INPP4A: variants seen among roughly 807,000 people sequenced by gnomAD.
INPP4A encodes inositol polyphosphate-4-phosphatase, type I, 107kD.
A neutral mutation model predicts 119.8 loss-of-function variants in INPP4A; 33 were observed. The ratio of observed to expected loss-of-function variants is 0.28; its 90% CI spans 0.21 to 0.37. INPP4A has a LOEUF of 0.37. INPP4A is among the 10% of genes least tolerant of loss of function. INPP4A has a pLI of 1.00. For missense variants in INPP4A, 956 were observed against 1,289.9 expected, an observed-to-expected ratio of 0.74 and a Z score of 3.97; for synonymous variants, 496 against 500.7, an observed-to-expected ratio of 0.99 and a Z score of 0.12.
intron 24 of INPP4A, among the ~76,000 whole-genome samples, chr2:98,586,152 G>A (rs1298827068): frequency 6.6e-6 from 1 of 152,214 alleles, no homozygotes; most frequent in Non-Finnish European, 1.5e-5. Flanking sequence ...GAGGCCTTGA[G>A]GCTCCGTGAC....
At position 98,588,387 on chromosome 2, in the gene INPP4A, C is replaced by T. The variant is rs2106571090; in HGVS notation, c.*779C>T. On this transcript the variant is annotated 3_prime_UTR_variant, in exon 25 of 25. Coordinates refer to ENST00000409851, the MANE Select transcript of INPP4A (RefSeq NM_001134225.2). The stretch of plus-strand genomic sequence containing the variant: ...GAGGCTCCCTCACGCCCAGAGGACA[C>T]ATCTCCCCTTCTTCTCTAGATGTTA... 5.0e-6 allele frequency: 1 copy of T among 199,740 alleles called. No homozygotes were observed. The highest frequency in any genetic ancestry group is 7.8e-5 in the East Asian group (1 of 12,748). The allele number at this position is 199,740 out of a possible 1,614,324, so 12.4% of individuals were successfully genotyped here. A position where few individuals can be genotyped will look rare whatever the true frequency, so the allele number is the denominator to read the frequency against.
At chr2:98,527,722 G>A (rs1487372222) in intron 4 of INPP4A, among the ~76,000 whole-genome samples, 10 of 152,206 alleles carry the variant, frequency 6.6e-5, no homozygotes, top group Non-Finnish European at 1.5e-4. Context: ...GGGACTCTTA[G>A]CTACAGCAAA....
intron 1 of INPP4A, among the ~76,000 whole-genome samples, chr2:98,475,772 G>A (rs767361254): frequency 6.4e-4 from 97 of 152,166 alleles, no homozygotes; most frequent in Non-Finnish European, 1.1e-3. Context: ...GCTTTGGGAG[G>A]AGGGGAGCAG....
chr2:98,493,524 T>A (rs1013204057), intron 1 of INPP4A, among the ~76,000 whole-genome samples: 1 of 151,056 alleles, frequency 6.6e-6, no homozygotes, highest in African/African-American at 2.4e-5. Flanking sequence ...GCCTCCCAAG[T>A]AGCTGGGACT....
At chr2:98,475,824 G>C (rs1677088406) in intron 1 of INPP4A, among the ~76,000 whole-genome samples, 1 of 152,110 alleles carries the variant, frequency 6.6e-6, no homozygotes, top group Non-Finnish European at 1.5e-5. Context: ...GGGGCGGGGG[G>C]AGCCTGTGTG....
intron 1 of INPP4A, among the ~76,000 whole-genome samples, chr2:98,514,388 T>C (rs1685709256): frequency 1.3e-5 from 2 of 152,092 alleles, no homozygotes; most frequent in African/African-American, 4.8e-5. Flanking sequence ...AATGAGAGAA[T>C]CTCTGGAGCG....
At chr2:98,480,964 A>T (rs1678314389) in intron 1 of INPP4A, among the ~76,000 whole-genome samples, 1 of 152,140 alleles carries the variant, frequency 6.6e-6, no homozygotes, top group African/African-American at 2.4e-5. Flanking sequence ...CCATTCTCAC[A>T]TGCTTCTCAG....
chr2:98,575,385 C>T (rs567697317), intron 23 of INPP4A, among the ~76,000 whole-genome samples: 1 of 152,350 alleles, frequency 6.6e-6, no homozygotes, highest in African/African-American at 2.4e-5. Context: ...TTCCAGCTTC[C>T]GTCATGTGTT....
chr2:98,483,974 T>C (rs917380765), intron 1 of INPP4A, among the ~76,000 whole-genome samples: 1 of 152,028 alleles, frequency 6.6e-6, no homozygotes, highest in African/African-American at 2.4e-5. Flanking sequence ...CCCCATCTCT[T>C]CACATAACTG....
At chr2:98,534,125 C>A (rs1689754442) in intron 5 of INPP4A, among the ~76,000 whole-genome samples, 1 of 152,228 alleles carries the variant, frequency 6.6e-6, no homozygotes, top group African/African-American at 2.4e-5. Flanking sequence ...ACCAGTTGTG[C>A]ATTTTGGAAG....
At chr2:98,498,358 C>T (rs189441549) in intron 1 of INPP4A, among the ~76,000 whole-genome samples, 7 of 152,094 alleles carry the variant, frequency 4.6e-5, no homozygotes, top group Admixed American at 2.6e-4. Context: ...TTGCTTTCTG[C>T]GATGTAAGAT....
rs371409862 is a variant in INPP4A at position 98,563,669 on chromosome 2, C to T, written c.2028+32C>T. On this transcript the variant is annotated intron_variant, in intron 18 of 24. Transcript: ENST00000409851. ...CCCGGGAGCACCCCGAGGGAGACCACGGGCACCTCTCAGCTCAGAAAAGAC... is the reference window on the plus strand; with the variant it reads ...CCCGGGAGCACCCCGAGGGAGACCATGGGCACCTCTCAGCTCAGAAAAGAC... The T allele has an allele frequency of 9.8e-5, 157 of 1,606,248 alleles. 2 individuals are homozygous for T. In the South Asian group the frequency reaches 1.2e-3, roughly 12 times the overall value.
intron 24 of INPP4A, among the ~76,000 whole-genome samples, chr2:98,584,871 G>C (rs532195795): frequency 6.6e-6 from 1 of 152,206 alleles, no homozygotes; most frequent in Non-Finnish European, 1.5e-5. Context: ...GGCCAAATAC[G>C]TATGCAAAAT....
chr2:98,460,199 T>C (rs1050828295), intron 1 of INPP4A, among the ~76,000 whole-genome samples: 3 of 152,086 alleles, frequency 2.0e-5, no homozygotes, highest in African/African-American at 7.2e-5. Flanking sequence ...TGTGGTATTA[T>C]AGGTGCAAGG....
chr2:98,573,209 G>T (rs919150997), intron 23 of INPP4A, among the ~76,000 whole-genome samples: 2 of 152,284 alleles, frequency 1.3e-5, no homozygotes, highest in Admixed American at 1.3e-4. Context: ...CCTGGCGATC[G>T]ATACCAGCTG....
chr2:98,472,046 G>C (rs1262127391), intron 1 of INPP4A, among the ~76,000 whole-genome samples: 1 of 152,214 alleles, frequency 6.6e-6, no homozygotes, highest in African/African-American at 2.4e-5. Flanking sequence ...AAGAGTTTCA[G>C]CTGGGCATTG....
At chr2:98,522,233 G>A (rs1347804612) in intron 4 of INPP4A, among the ~76,000 whole-genome samples, 1 of 150,314 alleles carries the variant, frequency 6.7e-6, no homozygotes, top group African/African-American at 2.5e-5. Context: ...GTTGCAGTGA[G>A]CCGAGATTGC....
chr2:98,565,077 A>G (rs1696185540), intron 19 of INPP4A, among the ~76,000 whole-genome samples: 1 of 152,230 alleles, frequency 6.6e-6, no homozygotes, highest in Admixed American at 6.5e-5. Context: ...CAGCTACTGA[A>G]TGACTGGAAG....
intron 5 of INPP4A, among the ~76,000 whole-genome samples, chr2:98,533,754 T>G (rs1689684254): frequency 6.6e-6 from 1 of 152,234 alleles, no homozygotes; most frequent in Non-Finnish European, 1.5e-5. Context: ...TAAGCTTCAT[T>G]GCCTTGTAAG....
Sources: allele counts gnomAD v4.1 joint callset (sites outside exome capture counted in the v4.1 genomes callset), GRCh38; gene constraint gnomAD v4.1.1; transcripts MANE v1.5; gene names NCBI Gene and HGNC (gene_info 2026-07-23, HGNC 2026-07-21).